DTNA: variants seen among roughly 807,000 people sequenced by gnomAD.
DTNA encodes the protein dystrobrevin alpha.
Under a neutral mutation model 100.7 loss-of-function variants are expected in DTNA, and 43 were observed. That is an observed-to-expected ratio of 0.43 (90% CI 0.33 to 0.55). The LOEUF is 0.55. Ranked by LOEUF, DTNA falls within the 20% of genes least tolerant of loss-of-function variation. The probability of loss-of-function intolerance (pLI) is 0.04; values close to 1 mark genes in which losing one functional copy is unlikely to be tolerated. For missense variants in DTNA, 798 were observed against 953.9 expected (o/e 0.84, Z 2.15); for synonymous variants, 349 against 347.9 (o/e 1.00, Z -0.04).
At chr18:34,529,435 A>G (rs2042941042) in intron 1 of DTNA, among the ~76,000 whole-genome samples, 2 of 152,252 alleles carry the variant, frequency 1.3e-5, no homozygotes, top group South Asian at 2.1e-4. Flanking sequence ...ACAAAAATAT[A>G]TCTAAAAGAT....
At chr18:34,557,150 T>A (rs2046148381) in intron 1 of DTNA, among the ~76,000 whole-genome samples, 2 of 150,238 alleles carry the variant, frequency 1.3e-5, no homozygotes, top group South Asian at 4.2e-4. Flanking sequence ...TTTCTTCCAG[T>A]TGATCGCATT....
chr18:34,518,163 G>A (rs796269905), intron 1 of DTNA, among the ~76,000 whole-genome samples: 29 of 152,220 alleles, frequency 1.9e-4, no homozygotes, highest in African/African-American at 7.0e-4. Flanking sequence ...GTTTTACTAA[G>A]CGTTTCCTTA....
chr18:34,869,682 T>G lies in DTNA; in HGVS notation c.1744-5557T>G, dbSNP rs149026667. Reference sequence around the variant, plus strand: ...CTTAAGTTTTATCTATAATAAACATTTTTGTGTGAGAGAGGTGATTAGTAC... The same window carrying G: ...CTTAAGTTTTATCTATAATAAACATGTTTGTGTGAGAGAGGTGATTAGTAC... On this transcript the variant is annotated intron_variant, in intron 17 of 22. Transcript: ENST00000444659. 1.7e-4 allele frequency among the ~76,000 whole-genome samples: 26 copies of G among 151,782 alleles called. No individual in the cohort carries two copies. In the East Asian group the frequency reaches 5.0e-3, roughly 29 times the overall value.
chr18:34,559,851 A>C (rs979453482), intron 1 of DTNA, among the ~76,000 whole-genome samples: 3 of 152,228 alleles, frequency 2.0e-5, no homozygotes, highest in African/African-American at 7.2e-5. Flanking sequence ...CTCCTCTGTC[A>C]TCCTATACAT....
intron 1 of DTNA, among the ~76,000 whole-genome samples, chr18:34,629,031 G>C (rs1310073046): frequency 6.6e-6 from 1 of 152,052 alleles, no homozygotes; most frequent in Non-Finnish European, 1.5e-5. Flanking sequence ...ATAATTTCAT[G>C]AGTTTAATAA....
At chr18:34,884,406 AAATCTT>A (rs1277310106) in intron 21 of DTNA, among the ~76,000 whole-genome samples, 3 of 152,204 alleles carry the variant, frequency 2.0e-5, no homozygotes, top group Non-Finnish European at 2.9e-5. Flanking sequence ...CATCGCTGGT[AAATCTT>A]AAGCTCCCTC....
intron 1 of DTNA, among the ~76,000 whole-genome samples, chr18:34,711,779 A>G (rs768435010): frequency 1.6e-4 from 24 of 152,154 alleles, no homozygotes; most frequent in South Asian, 6.2e-4. Context: ...AAGTTTAAGC[A>G]AGGAATTATA....
chr18:34,758,432 A>G (rs2092925537), intron 2 of DTNA, among the ~76,000 whole-genome samples: 1 of 152,250 alleles, frequency 6.6e-6, no homozygotes, highest in Non-Finnish European at 1.5e-5. Flanking sequence ...TATTGCAACA[A>G]GGGAGAAAGA....
At chr18:34,757,481 A>C (rs1319969937) in intron 2 of DTNA, among the ~76,000 whole-genome samples, 1 of 152,228 alleles carries the variant, frequency 6.6e-6, no homozygotes, top group South Asian at 2.1e-4. Context: ...ATTTGAACTT[A>C]TCATTATAAC....
At chr18:34,677,792 A>G (rs890677534) in intron 1 of DTNA, among the ~76,000 whole-genome samples, 3 of 152,240 alleles carry the variant, frequency 2.0e-5, no homozygotes, top group African/African-American at 4.8e-5. Context: ...GTATATGCCT[A>G]GAATCATAGC....
At chr18:34,860,572 A>C (rs2096611487) in intron 16 of DTNA, among the ~76,000 whole-genome samples, 1 of 152,200 alleles carries the variant, frequency 6.6e-6, no homozygotes. Context: ...TGTTGATTGC[A>C]TGGATGTTTC....
intron 1 of DTNA, among the ~76,000 whole-genome samples, chr18:34,541,222 G>A (rs1035239354): frequency 2.6e-5 from 4 of 151,988 alleles, no homozygotes; most frequent in African/African-American, 9.7e-5. Flanking sequence ...TACAAGTTGG[G>A]TAATGATACA....
chr18:34,601,080 G>A (rs2051713747), intron 1 of DTNA, among the ~76,000 whole-genome samples: 1 of 151,860 alleles, frequency 6.6e-6, no homozygotes, highest in African/African-American at 2.4e-5. Flanking sequence ...GCCTAGGGCA[G>A]GAAAGAATTC....
chr18:34,880,219 G>T (rs1044396399), intron 20 of DTNA, among the ~76,000 whole-genome samples: 2 of 152,176 alleles, frequency 1.3e-5, no homozygotes, highest in Admixed American at 1.3e-4. Flanking sequence ...TTGACTTGTT[G>T]AATTTGTATG....
intron 9 of DTNA, chr18:34,825,173 T>C: frequency 1.3e-6 from 2 of 1,525,176 alleles, no homozygotes; most frequent in East Asian, 2.3e-5. Context: ...GGTGACATTT[T>C]GGTATTTTGA....
rs546510621 is a variant in DTNA, at chr18:34,654,518, C to A, written c.-1-101458C>A. Reference sequence around the variant, plus strand: ...ACTATGCTGTACTTGCCAGTGTATACTCAGAACACACGCAGTACCTTTAAT... The same window carrying A: ...ACTATGCTGTACTTGCCAGTGTATAATCAGAACACACGCAGTACCTTTAAT... On this transcript the variant is annotated intron_variant, in intron 1 of 19. Transcript: ENST00000283365. 6.6e-5 allele frequency among the ~76,000 whole-genome samples: 10 copies of A among 152,298 alleles called. No individual in the cohort carries two copies. The South Asian group carries it at 2.1e-3, about 32-fold the overall frequency.
intron 9 of DTNA, chr18:34,821,503 G>A: frequency 2.2e-6 from 1 of 456,342 alleles, no homozygotes; most frequent in Non-Finnish European, 4.4e-6. Context: ...GAAGGTGTTG[G>A]GCCAACAAAC....
intron 1 of DTNA, among the ~76,000 whole-genome samples, chr18:34,687,303 A>C (rs1299562017): frequency 6.6e-6 from 1 of 152,118 alleles, no homozygotes; most frequent in Non-Finnish European, 1.5e-5. Context: ...CCCTCTAAAC[A>C]CTGTATAGCT....
At chr18:34,698,123 G>A (rs374107928) in intron 1 of DTNA, among the ~76,000 whole-genome samples, 15 of 151,996 alleles carry the variant, frequency 9.9e-5, no homozygotes, top group Non-Finnish European at 1.5e-4. Flanking sequence ...CTCTCCACTC[G>A]TCCTGTGCCC....
Sources: allele counts gnomAD v4.1 joint callset (sites outside exome capture counted in the v4.1 genomes callset), GRCh38; gene constraint gnomAD v4.1.1; transcripts MANE v1.5; gene names NCBI Gene and HGNC (gene_info 2026-07-23, HGNC 2026-07-21).